The following TMOD3 variants were observed in gnomAD, a reference collection of about 807,000 sequenced individuals.
The protein encoded by TMOD3 is tropomodulin 3.
Under a neutral mutation model 39.2 loss-of-function variants are expected in TMOD3, and 20 were observed. The ratio of observed to expected loss-of-function variants is 0.51; its 90% CI spans 0.36 to 0.74. The LOEUF is 0.74. Ranked by LOEUF, TMOD3 falls within the 30% of genes least tolerant of loss-of-function variation. The pLI, the probability that TMOD3 is intolerant of heterozygous loss-of-function variation, is 0.00. For synonymous variants in TMOD3, 143 were observed against 145.8 expected (o/e 0.98, Z 0.14); for missense variants, 381 against 412.8 (o/e 0.92, Z 0.67).
chr15:51,849,359 A>G (rs1187249393), intron 1 of TMOD3, among the ~76,000 whole-genome samples: 1 of 152,222 alleles, frequency 6.6e-6, no homozygotes, highest in Non-Finnish European at 1.5e-5. Flanking sequence ...TTACATGGAT[A>G]GTTATTTGCA....
chr15:51,835,711 T>C (rs2056279432), intron 1 of TMOD3, among the ~76,000 whole-genome samples: 1 of 152,232 alleles, frequency 6.6e-6, no homozygotes, highest in South Asian at 2.1e-4. Context: ...GGTTATTTTT[T>C]TCTTCTAAGT....
chr15:51,896,211 C>T (rs1397557575), intron 6 of TMOD3, among the ~76,000 whole-genome samples: 1 of 152,032 alleles, frequency 6.6e-6, no homozygotes, highest in East Asian at 1.9e-4. Context: ...TGCTCTGAGT[C>T]AGTAGTTTAT....
At chr15:51,887,253 T>G (rs1429895981) in intron 3 of TMOD3, among the ~76,000 whole-genome samples, 1 of 149,220 alleles carries the variant, frequency 6.7e-6, no homozygotes, top group East Asian at 1.9e-4. Flanking sequence ...ATTCTGTTTT[T>G]TTTTTTTTTA....
chr15:51,846,982 C>CT (rs2056338890), intron 1 of TMOD3, among the ~76,000 whole-genome samples: 1 of 152,114 alleles, frequency 6.6e-6, no homozygotes, highest in Non-Finnish European at 1.5e-5. Context: ...GTGGGTTCCT[C>CT]TTTGACCTTG....
chr15:51,890,642 C>T (rs1204464966), intron 5 of TMOD3, among the ~76,000 whole-genome samples: 1 of 152,168 alleles, frequency 6.6e-6, no homozygotes, highest in African/African-American at 2.4e-5. Flanking sequence ...CAATATTTTA[C>T]ACAAAGTCAG....
At chr15:51,886,746 T>C (rs922265115) in intron 3 of TMOD3, among the ~76,000 whole-genome samples, 1 of 151,464 alleles carries the variant, frequency 6.6e-6, no homozygotes, top group African/African-American at 2.4e-5. Flanking sequence ...AGGGCTAGAG[T>C]AACTAGTTTC....
At chr15:51,871,833 G>A (rs2056476358) in intron 3 of TMOD3, among the ~76,000 whole-genome samples, 1 of 152,118 alleles carries the variant, frequency 6.6e-6, no homozygotes, top group South Asian at 2.1e-4. Context: ...GTTTTAGATG[G>A]GTAAGAATAA....
chr15:51,876,086 A>G (rs1038128669), intron 3 of TMOD3, among the ~76,000 whole-genome samples: 1 of 152,208 alleles, frequency 6.6e-6, no homozygotes, highest in Non-Finnish European at 1.5e-5. Context: ...TGATGTTAAT[A>G]GAGCCTATCT....
chr15:51,833,576 A>T (rs1370564716), intron 1 of TMOD3: 3 of 152,142 alleles, frequency 2.0e-5, no homozygotes, highest in Non-Finnish European at 4.4e-5. Flanking sequence ...CACTACAGAG[A>T]TTTTTTGACT....
rs973099375 is a variant in TMOD3 at position 51,829,805 on chromosome 15, A to C, written c.-106A>C. 1 of 152,348 alleles carries C rather than the reference A, an allele frequency of 6.6e-6. No individual in the cohort carries two copies. The highest frequency in any genetic ancestry group is 1.9e-4 in the East Asian group (1 of 5,178). The allele number at this position is 152,348 out of a possible 1,614,324, so 9.4% of individuals were successfully genotyped here. On this transcript the variant is annotated 5_prime_UTR_variant, in exon 1 of 10. Transcript: ENST00000308580. ...GCCGGCAGTTTCCGTGGGTCTGTGA[A>C]GAGGTCGGCGGCCCCTGCGGGCGCC...
intron 1 of TMOD3, among the ~76,000 whole-genome samples, chr15:51,837,618 A>G (rs781002883): frequency 2.0e-5 from 3 of 152,126 alleles, no homozygotes; most frequent in Non-Finnish European, 4.4e-5. Flanking sequence ...CTACACAGAA[A>G]TGGACCAAGG....
intron 4 of TMOD3, 23 bp from the exon 5 acceptor site, chr15:51,889,033 A>T: frequency 6.7e-7 from 1 of 1,484,574 alleles, no homozygotes; most frequent in Non-Finnish European, 9.2e-7. Flanking sequence ...AACAATAAAA[A>T]CTTTCTTTTT....
chr15:51,904,688 T>C lies in TMOD3; in HGVS notation c.1024+2652T>C, dbSNP rs114885216. On this transcript the variant is annotated intron_variant, in intron 9 of 9. Coordinates refer to ENST00000308580, the MANE Select transcript of TMOD3 (RefSeq NM_014547.5). ...AGCAGTTGTGCTTTTTTGTGAAGAC[T>C]GTTTTGGTAGACACTTTGCCTGCAT... Among the ~76,000 whole-genome samples the C allele has an allele frequency of 3.8e-3, 574 of 152,284 alleles. 6 individuals are homozygous for C. Among genetic ancestry groups the C allele is most frequent in the African/African-American group, 0.013 (559 of 41,542 alleles).
At chr15:51,832,230 T>TATATATATATATATATATATA (rs1450593296) in intron 1 of TMOD3, among the ~76,000 whole-genome samples, 95 of 136,608 alleles carry the variant, frequency 7.0e-4, no homozygotes, top group African/African-American at 2.5e-3. Flanking sequence ...TATATATATA[T>TATATATATATATATATATATA]ATGAATGACA....
rs536131177 is a variant in TMOD3 at position 51,893,760 on chromosome 15, G to A, written c.497-55G>A. 7.6e-5 allele frequency: 103 copies of A among 1,353,956 alleles called. No homozygotes were observed. The East Asian group carries it at 1.4e-3, about 18-fold the overall frequency. 83.9% of individuals were successfully genotyped at this position (1,353,956 alleles called of 1,614,324 possible). A position where few individuals can be genotyped will look rare whatever the true frequency, so the allele number is the denominator to read the frequency against. ...GGCCTGGGCGAAAGTGCGAGACTCC[G>A]TCTCAAAAAAAAAAAAATGGTATCA... On this transcript the variant is annotated intron_variant, in intron 5 of 9. Coordinates refer to ENST00000308580, the MANE Select transcript of TMOD3 (RefSeq NM_014547.5).
At chr15:51,830,518 C>A (rs1224679532) in intron 1 of TMOD3, among the ~76,000 whole-genome samples, 8 of 152,108 alleles carry the variant, frequency 5.3e-5, no homozygotes, top group Admixed American at 5.2e-4. Flanking sequence ...GCCACAGTTT[C>A]TTTTTTTCTT....
At chr15:51,840,798 T>C (rs1164005893) in intron 1 of TMOD3, among the ~76,000 whole-genome samples, 1 of 152,238 alleles carries the variant, frequency 6.6e-6, no homozygotes, top group Non-Finnish European at 1.5e-5. Flanking sequence ...GTTTATAGGC[T>C]CTTAGAAACT....
chr15:51,852,976 TC>T (rs2056369902), intron 1 of TMOD3, among the ~76,000 whole-genome samples: 1 of 152,208 alleles, frequency 6.6e-6, no homozygotes, highest in African/African-American at 2.4e-5. Flanking sequence ...CACAGCTTTA[TC>T]TTTACAGAGA....
intron 3 of TMOD3, chr15:51,884,659 A>T (rs1447553490): frequency 1.3e-5 from 2 of 152,248 alleles, no homozygotes; most frequent in Non-Finnish European, 2.9e-5. Context: ...CTTAAAAAAA[A>T]AAAAGTTGGC....
Sources: allele counts gnomAD v4.1 joint callset (sites outside exome capture counted in the v4.1 genomes callset), GRCh38; gene constraint gnomAD v4.1.1; transcripts MANE v1.5; gene names NCBI Gene and HGNC (gene_info 2026-07-23, HGNC 2026-07-21).